CYRIB: variants seen among roughly 807,000 people sequenced by gnomAD.
CYRIB encodes CYFIP related Rac1 interactor B.
In CYRIB, 8 loss-of-function variants were observed where a neutral mutation model predicts 44.2. That is an observed-to-expected ratio of 0.18 (90% CI 0.11 to 0.33). The LOEUF is 0.33. Ranked by LOEUF, CYRIB falls within the 10% of genes least tolerant of loss-of-function variation. The pLI is 1.00. For missense variants in CYRIB, 185 were observed against 382.8 expected (o/e 0.48, Z 4.31); for synonymous variants, 131 against 127.2 (o/e 1.03, Z -0.20).
intron 5 of CYRIB, among the ~76,000 whole-genome samples, chr8:129,861,439 ATTTC>A (rs767632011): frequency 1.5e-4 from 23 of 151,650 alleles, no homozygotes; most frequent in Middle Eastern, 3.4e-3. Flanking sequence ...TTAGCTTTCT[ATTTC>A]TTTCTTTCTT....
intron 1 of CYRIB, among the ~76,000 whole-genome samples, chr8:129,938,160 G>C (rs1422712168): frequency 6.6e-6 from 1 of 152,070 alleles, no homozygotes; most frequent in Non-Finnish European, 1.5e-5. Flanking sequence ...TATGAATGCT[G>C]ATTAGGGAGT....
Position 129,895,344 on chromosome 8 carries a change from T to C in CYRIB, c.-11+7968A>G, listed in dbSNP as rs552906321. 9.9e-5 allele frequency among the ~76,000 whole-genome samples: 15 copies of C among 151,652 alleles called. No individual in the cohort carries two copies. The South Asian group carries it at 3.1e-3, about 32-fold the overall frequency. On this transcript the variant is annotated intron_variant, in intron 2 of 11. Transcript: ENST00000519824. The stretch of plus-strand genomic sequence containing the variant: ...GGATACCACCCTTTTAATGCTTATA[T>C]ACAAGGCAGATACTTTCTTCTAGGA...
chr8:129,872,319 G>A (rs2057596721), intron 3 of CYRIB, among the ~76,000 whole-genome samples: 1 of 152,124 alleles, frequency 6.6e-6, no homozygotes, highest in Non-Finnish European at 1.5e-5. Context: ...AATGAAGGAA[G>A]AATTACAGTT....
chr8:129,846,886 GAAAACAGAAAAGGT>G lies in CYRIB; in HGVS notation c.841-26_841-13del, dbSNP rs1174208088. ...ATACAACCTTTCATCTAAAGAAAAA[GAAAACAGAAAAGGT>G]AAAACAGCCATTTTTTTCATGTAAC... On this transcript the variant is annotated splice_polypyrimidine_tract_variant and intron_variant, in intron 10 of 11. Coordinates refer to ENST00000519824, the Ensembl canonical transcript of CYRIB. The G allele has an allele frequency of 6.4e-7, 1 of 1,553,112 alleles. No individual in the cohort carries two copies. The highest frequency in any genetic ancestry group is 8.7e-7 in the Non-Finnish European group (1 of 1,155,076).
At chr8:129,942,034 GA>G (rs2130888153), upstream of CYRIB, among the ~76,000 whole-genome samples, 1 of 152,238 alleles carries the variant, frequency 6.6e-6, no homozygotes, top group South Asian at 2.1e-4. Context: ...GCAGTCCACT[GA>G]GAAGTGATAA....
At chr8:129,966,146 C>T (rs189007357) in intron 2 of CYRIB, among the ~76,000 whole-genome samples, 67 of 152,334 alleles carry the variant, frequency 4.4e-4, no homozygotes, top group African/African-American at 1.5e-3. Flanking sequence ...TGAGCCAATG[C>T]GCCCAGCCTA....
At chr8:129,843,006 A>G (rs2037389692) in intron 11 of CYRIB, among the ~76,000 whole-genome samples, 1 of 152,238 alleles carries the variant, frequency 6.6e-6, no homozygotes, top group Non-Finnish European at 1.5e-5. Context: ...AAAGAATCAC[A>G]AAGAGTGATT....
At chr8:129,873,035 CA>C (rs2057901219) in intron 3 of CYRIB, among the ~76,000 whole-genome samples, 1 of 151,952 alleles carries the variant, frequency 6.6e-6, no homozygotes, top group Non-Finnish European at 1.5e-5. Flanking sequence ...AAATATACCA[CA>C]TTTTTTTTAA....
At chr8:129,943,638 G>A (rs2093909651), upstream of CYRIB, among the ~76,000 whole-genome samples, 1 of 114,402 alleles carries the variant, frequency 8.7e-6, no homozygotes, top group South Asian at 3.2e-4. Context: ...TCGCTCTGTG[G>A]CCCAGGCGGG....
At chr8:129,870,189 C>T (rs1443483708) in intron 4 of CYRIB, among the ~76,000 whole-genome samples, 3 of 151,826 alleles carry the variant, frequency 2.0e-5, no homozygotes, top group Non-Finnish European at 4.4e-5. Flanking sequence ...CAGGTTGGGG[C>T]GGGGCGGGGG....
chr8:129,885,061 C>G (rs898200902), intron 2 of CYRIB, among the ~76,000 whole-genome samples: 1 of 152,130 alleles, frequency 6.6e-6, no homozygotes, highest in Non-Finnish European at 1.5e-5. Flanking sequence ...ACAACTATAC[C>G]CTACAATTAC....
At chr8:130,001,583 C>T (rs1194360391) in intron 1 of CYRIB, among the ~76,000 whole-genome samples, 1 of 139,102 alleles carries the variant, frequency 7.2e-6, no homozygotes, top group Non-Finnish European at 1.5e-5. Context: ...GGCTGGGGTG[C>T]AATGGCGCAA....
At position 129,901,100 on chromosome 8, in the gene CYRIB, C is replaced by T. The variant is rs536167993; in HGVS notation, c.-11+2212G>A. 5.9e-5 allele frequency among the ~76,000 whole-genome samples: 9 copies of T among 152,358 alleles called. No homozygotes were observed. In the South Asian group the frequency reaches 1.9e-3, roughly 32 times the overall value. ...GGACTACAGCCTGGGACTACAGGCACACGCCACCACACCTGGCTAATTTTT... is the reference window on the plus strand; with the variant it reads ...GGACTACAGCCTGGGACTACAGGCATACGCCACCACACCTGGCTAATTTTT... On this transcript the variant is annotated intron_variant, in intron 2 of 11. Coordinates refer to ENST00000519824, the Ensembl canonical transcript of CYRIB.
intron 2 of CYRIB, among the ~76,000 whole-genome samples, chr8:129,887,654 C>T (rs1383109717): frequency 6.6e-6 from 1 of 152,208 alleles, no homozygotes; most frequent in East Asian, 1.9e-4. Context: ...GCAAGAGGGG[C>T]AGAGCTGCAA....
At chr8:129,873,688 T>C (rs2058155470) in intron 3 of CYRIB, among the ~76,000 whole-genome samples, 1 of 152,022 alleles carries the variant, frequency 6.6e-6, no homozygotes, top group Non-Finnish European at 1.5e-5. Flanking sequence ...GTATTTTAGG[T>C]GTGGTGACTA....
intron 2 of CYRIB, among the ~76,000 whole-genome samples, chr8:129,958,819 A>G (rs2095043345): frequency 6.6e-6 from 1 of 151,360 alleles, no homozygotes; most frequent in Non-Finnish European, 1.5e-5. Context: ...TAATCCCAAC[A>G]CTTTGGGAGG....
At chr8:129,922,638 C>A (rs543034139) in intron 1 of CYRIB, among the ~76,000 whole-genome samples, 1 of 151,346 alleles carries the variant, frequency 6.6e-6, no homozygotes, top group South Asian at 2.1e-4. Flanking sequence ...CCGAGGCGGG[C>A]GGATCACGAG....
At chr8:129,880,512 G>C in intron 2 of CYRIB, 1 of 867,930 alleles carries the variant, frequency 1.2e-6, no homozygotes, top group Non-Finnish European at 1.4e-6. Flanking sequence ...TTTAAGCAGA[G>C]GCCTGGGATT....
At chr8:129,909,221 T>C (rs1379712999) in intron 1 of CYRIB, among the ~76,000 whole-genome samples, 2 of 152,184 alleles carry the variant, frequency 1.3e-5, no homozygotes, top group Non-Finnish European at 2.9e-5. Context: ...GTTGCCTAGG[T>C]AATGCCAGGC....
Sources: gnomAD v4.1 joint callset for allele counts (sites outside exome capture counted in the v4.1 genomes callset) on GRCh38, gnomAD v4.1.1 for gene constraint, MANE v1.5 for transcripts, NCBI Gene and HGNC (gene_info 2026-07-23, HGNC 2026-07-21) for gene names.